Variants in BDP1 observed in about 807,000 individuals in gnomAD.
BDP1 encodes the protein transcription factor TFIIIB component B'' homolog.
A neutral mutation model predicts 266.6 loss-of-function variants in BDP1; 169 were observed. The ratio of observed to expected loss-of-function variants is 0.63; its 90% CI spans 0.56 to 0.72. The LOEUF (loss-of-function observed/expected upper bound fraction) is 0.72, where lower values mean the gene tolerates loss of function less well. Among genes scored for constraint, BDP1 ranks in the 30% least tolerant of loss-of-function variants. The probability of loss-of-function intolerance (pLI) is 0.00; values close to 1 mark genes in which losing one functional copy is unlikely to be tolerated. For synonymous variants in BDP1, 1,090 were observed against 1,022.4 expected, an observed-to-expected ratio of 1.07 and a Z score of -1.26; for missense variants, 3,015 against 3,053.8, an observed-to-expected ratio of 0.99 and a Z score of 0.30.
intron 35 of BDP1, among the ~76,000 whole-genome samples, chr5:71,556,121 C>T (rs1423016743): frequency 6.6e-6 from 1 of 151,892 alleles, no homozygotes; most frequent in African/African-American, 2.4e-5. Context: ...TTTTTTGTTG[C>T]TGTTATCATT....
rs780648683 is a variant in BDP1 at position 71,524,004 on chromosome 5, C to T, written c.5453C>T (p.Ser1818Phe). 1 of 1,614,172 alleles carries T rather than the reference C, an allele frequency of 6.2e-7. No homozygotes were observed. ...GCCCTGGATGGGAAAACAACTATCT[C>T]TTCTACATCTGAGTATGAGAGAAAT... ...KIALDGKTTISSTSEYERNRG... is the reference protein window; with the variant it reads ...KIALDGKTTIFSTSEYERNRG... The change falls in exon 25 of 39, where the codon TCT becomes TTT. Residue 1818 changes from serine to phenylalanine, a missense_variant. Around this residue, in one of 3 missense-constraint regions of BDP1, gnomAD observed 2,383 missense variants for 2,404.9 expected, o/e 0.99. Transcript: ENST00000358731.
Position 71,458,775 on chromosome 5 carries a change from C to T in BDP1, c.409C>T (p.Gln137Ter). The change falls in exon 2 of 39, where the codon CAG (glutamine) becomes TAG (stop). Residue 137 changes from glutamine to a stop codon, truncating the protein, a stop_gained. Coordinates refer to ENST00000358731, the MANE Select transcript of BDP1 (RefSeq NM_018429.3). LOFTEE classifies it high-confidence loss of function. ...AACTGCCACTTCAACAAAAGAGAAA[C>T]AGCCATGCTCAGACAGATACCGAAT... ...QPTATSTKEKQPCSDRYRIYK... is the reference protein window; with the variant it reads ...QPTATSTKEK 1.2e-6 allele frequency: 2 copies of T among 1,614,008 alleles called. No homozygotes were observed. Among genetic ancestry groups the T allele is most frequent in the Non-Finnish European group, 1.7e-6 (2 of 1,179,908 alleles).
At chr5:71,570,852 G>A (rs468010), downstream of BDP1, among the ~76,000 whole-genome samples, 45,802 of 152,054 alleles carry the variant, frequency 0.3, 7,959 homozygotes, top group East Asian at 0.5. Flanking sequence ...GTGTCCTCCA[G>A]GCCCTCTTGG....
At chr5:71,474,841 T>C (rs1301158226) in intron 7 of BDP1, among the ~76,000 whole-genome samples, 1 of 122,088 alleles carries the variant, frequency 8.2e-6, no homozygotes, top group African/African-American at 2.9e-5. Context: ...AGCAAGACTC[T>C]GTCTGAAAAA....
chr5:71,491,162 A>G lies in BDP1; in HGVS notation c.1640+31A>G. 3 of 1,599,860 alleles carry G rather than the reference A, an allele frequency of 1.9e-6. 1 individual carries two copies. The highest frequency in any genetic ancestry group is 2.2e-5 in the East Asian group (1 of 44,740). ...TTCTGTGTCTTTTCTGGTTTTATCC[A>G]CATCTGTTGATTACTGAGAAAGGAG... On this transcript the variant is annotated intron_variant, in intron 11 of 38. Transcript: ENST00000358731.
downstream of BDP1, among the ~76,000 whole-genome samples, chr5:71,568,195 C>T (rs187837355): frequency 6.6e-6 from 1 of 152,240 alleles, no homozygotes; most frequent in Admixed American, 6.5e-5. Context: ...TATTTCAAAG[C>T]TGTAGGAGTC....
chr5:71,470,419 T>C lies in BDP1; in HGVS notation c.944T>C (p.Ile315Thr), dbSNP rs1417773448. The C allele has an allele frequency of 1.2e-6, 2 of 1,608,930 alleles. No individual in the cohort carries two copies. The highest frequency in any genetic ancestry group is 1.7e-6 in the Non-Finnish European group (2 of 1,177,716). ...GAAACAGATATGTTTTTTTTAGCCA[T>C]CAGCATGGTAGGAACTGACTTTTCT... ...NKETDMFFLA[I>T]SMVGTDFSMI... The change falls in exon 7 of 39, where the codon ATC becomes ACC. Residue 315 changes from isoleucine to threonine, a missense_variant. This residue lies in a region of BDP1 where 2,383 missense variants were observed against 2,404.9 expected (regional missense o/e 0.99). Transcript: ENST00000358731.
At chr5:71,551,962 C>T (rs1178838334) in intron 34 of BDP1, among the ~76,000 whole-genome samples, 9 of 143,966 alleles carry the variant, frequency 6.3e-5, no homozygotes, top group Admixed American at 4.7e-4. Context: ...CTGACCCCCC[C>T]ACCTCCCTCC....
intron 16 of BDP1, among the ~76,000 whole-genome samples, chr5:71,505,411 A>G (rs186012910): frequency 6.6e-6 from 1 of 152,306 alleles, no homozygotes; most frequent in Admixed American, 6.5e-5. Flanking sequence ...TTGAGCACAT[A>G]TTGCCTTTAT....
At chr5:71,502,865 A>G in intron 15 of BDP1, 74 bp downstream of exon 15, 1 of 980,808 alleles carries the variant, frequency 1.0e-6, no homozygotes, top group East Asian at 2.4e-5. Context: ...CCCTTCACCC[A>G]CATACTTACA....
At chr5:71,458,966 A>C in intron 2 of BDP1, 111 bp downstream of exon 2, 1 of 982,976 alleles carries the variant, frequency 1.0e-6, no homozygotes, top group Non-Finnish European at 1.5e-6. Context: ...ACCACATAAC[A>C]TCCCTTAGTC....
At position 71,510,725 on chromosome 5, in the gene BDP1, A is replaced by C. The variant is rs759140186; in HGVS notation, c.3633A>C (p.Glu1211Asp). Residue 1211 changes from glutamate to aspartate, a missense_variant, in exon 17 of 39, where the codon GAA (glutamate) becomes GAC (aspartate). Around this residue, in one of 3 missense-constraint regions of BDP1, gnomAD observed 2,383 missense variants for 2,404.9 expected, o/e 0.99. Coordinates refer to ENST00000358731, the MANE Select transcript of BDP1 (RefSeq NM_018429.3). ...CTGAAAGAGAAATATCGCCACAGGA[A>C]AATGGCCCAGAGGAGGTCAAGCCTG... ...EETEREISPQ[E>D]NGPEEVKPVG... The C allele has an allele frequency of 6.2e-7, 1 of 1,614,184 alleles. No individual in the cohort carries two copies. The highest frequency in any genetic ancestry group is 8.5e-7 in the Non-Finnish European group (1 of 1,180,026).
intron 7 of BDP1, among the ~76,000 whole-genome samples, chr5:71,481,556 A>G (rs936339980): frequency 2.6e-5 from 4 of 152,150 alleles, no homozygotes; most frequent in Non-Finnish European, 5.9e-5. Flanking sequence ...CTCTGTTTCA[A>G]TAAACAAAAC....
chr5:71,508,529 C>G (rs1255659457), intron 16 of BDP1, among the ~76,000 whole-genome samples: 5 of 150,436 alleles, frequency 3.3e-5, no homozygotes, highest in Non-Finnish European at 7.4e-5. Flanking sequence ...CTCAAGCCAT[C>G]TGCTTCAGCC....
At chr5:71,501,891 A>C (rs897066276) in intron 14 of BDP1, among the ~76,000 whole-genome samples, 1 of 152,114 alleles carries the variant, frequency 6.6e-6, no homozygotes, top group African/African-American at 2.4e-5. Flanking sequence ...TTTACAGTAT[A>C]TGCCCCTGGA....
intron 21 of BDP1, among the ~76,000 whole-genome samples, chr5:71,516,771 TA>T (rs903463186): frequency 1.3e-5 from 2 of 152,164 alleles, no homozygotes; most frequent in Non-Finnish European, 2.9e-5. Context: ...CTTTTGGTAT[TA>T]GGGAAAAAGT....
intron 25 of BDP1, among the ~76,000 whole-genome samples, chr5:71,525,387 G>A (rs1383323039): frequency 2.3e-4 from 34 of 145,622 alleles, no homozygotes; most frequent in South Asian, 4.5e-4. Flanking sequence ...TGGCCGGGCG[G>A]GGGGCTGACC....
rs547964601 is a variant in BDP1 at position 71,482,052 on chromosome 5, A to G, written c.1015-1790A>G. Reference sequence around the variant, plus strand: ...TTCCATTAGGATGCACCTGAACTCTATTGTCATATGGTGTTTTATGACTTT... The same window carrying G: ...TTCCATTAGGATGCACCTGAACTCTGTTGTCATATGGTGTTTTATGACTTT... On this transcript the variant is annotated intron_variant, in intron 7 of 38. Transcript: ENST00000358731. 5.3e-5 allele frequency among the ~76,000 whole-genome samples: 8 copies of G among 152,284 alleles called. No homozygotes were observed. In the South Asian group the frequency reaches 6.2e-4, roughly 12 times the overall value.
chr5:71,562,285 G>T lies in BDP1; in HGVS notation c.7508G>T (p.Arg2503Ile). 1 of 1,557,462 alleles carries T rather than the reference G, an allele frequency of 6.4e-7. No individual in the cohort carries two copies. The highest frequency in any genetic ancestry group is 1.1e-5 in the South Asian group (1 of 87,398). Residue 2503 changes from arginine (R) to isoleucine (I), a missense_variant, in exon 38 of 39, where the codon AGA becomes ATA. Arg to Ile is a moderately conservative substitution (Grantham distance 97). Coordinates refer to ENST00000358731, the MANE Select transcript of BDP1 (RefSeq NM_018429.3). ...SKASLSRPGR[R>I]PLGFLSLICS... is the part of the protein sequence containing the mutation. ...ATTTGTATTTCTAGACCTGGCAGAA[G>T]ACCCCTGGGATTTTTATCTTTAATA...
Sources: allele counts gnomAD v4.1 joint callset (sites outside exome capture counted in the v4.1 genomes callset), GRCh38; gene constraint gnomAD v4.1.1; regional missense constraint gnomAD v4.1.1; transcripts MANE v1.5; gene names NCBI Gene and HGNC (gene_info 2026-07-23, HGNC 2026-07-21).